Variants in ZDHHC17 observed in about 807,000 individuals in gnomAD.
ZDHHC17 encodes the protein palmitoyltransferase ZDHHC17.
In ZDHHC17, 40 loss-of-function variants were observed where a neutral mutation model predicts 90.3. That is an observed-to-expected ratio of 0.44 (90% CI 0.34 to 0.58). ZDHHC17 has a LOEUF of 0.58. Ranked by LOEUF, ZDHHC17 falls within the 20% of genes least tolerant of loss-of-function variation. The pLI is 0.01. For missense variants in ZDHHC17, 614 were observed against 780.8 expected, an observed-to-expected ratio of 0.79 and a Z score of 2.55; for synonymous variants, 235 against 252.4, an observed-to-expected ratio of 0.93 and a Z score of 0.65.
intron 1 of ZDHHC17, among the ~76,000 whole-genome samples, chr12:76,792,004 C>T (rs1952764906): frequency 6.6e-6 from 1 of 152,150 alleles, no homozygotes. Flanking sequence ...TTAATGTCTC[C>T]ACCAATCCAG....
At chr12:76,764,386 C>A in intron 1 of ZDHHC17, 57 bp downstream of exon 1, 1 of 1,495,372 alleles carries the variant, frequency 6.7e-7, no homozygotes, top group South Asian at 1.2e-5. Context: ...CTTTCTTCCC[C>A]GGACTCGCCG....
intron 2 of ZDHHC17, among the ~76,000 whole-genome samples, chr12:76,800,041 TATC>T (rs1454044919): frequency 3.3e-5 from 5 of 152,230 alleles, no homozygotes; most frequent in Admixed American, 2.0e-4. Flanking sequence ...CCATGTGTGG[TATC>T]ATGTGCTCAA....
At chr12:76,819,160 A>C (rs1953128586) in intron 7 of ZDHHC17, among the ~76,000 whole-genome samples, 2 of 152,158 alleles carry the variant, frequency 1.3e-5, no homozygotes, top group Admixed American at 6.5e-5. Flanking sequence ...ATATGTTGAG[A>C]TTGTGAAGAC....
chr12:76,790,108 T>C (rs1036726468), intron 1 of ZDHHC17, among the ~76,000 whole-genome samples: 2 of 152,216 alleles, frequency 1.3e-5, no homozygotes, highest in Non-Finnish European at 2.9e-5. Context: ...AACTACTCTC[T>C]TGACATTGTT....
At chr12:76,837,076 C>T (rs1953374117) in intron 10 of ZDHHC17, among the ~76,000 whole-genome samples, 1 of 152,074 alleles carries the variant, frequency 6.6e-6, no homozygotes, top group Non-Finnish European at 1.5e-5. Flanking sequence ...GTTTATTTAT[C>T]ATCTCTGGTC....
At chr12:76,849,541 CTTAG>C in intron 16 of ZDHHC17, 71 bp downstream of exon 16, 1 of 898,760 alleles carries the variant, frequency 1.1e-6, no homozygotes. Flanking sequence ...GACTCTTTTA[CTTAG>C]TGATATGTAA....
chr12:76,841,469 T>G (rs927924682), intron 10 of ZDHHC17, among the ~76,000 whole-genome samples: 1 of 152,128 alleles, frequency 6.6e-6, no homozygotes, highest in African/African-American at 2.4e-5. Context: ...ATTTCTTACG[T>G]TTTTATGAGA....
chr12:76,849,970 G>C (rs896053827), intron 16 of ZDHHC17, among the ~76,000 whole-genome samples: 7 of 152,072 alleles, frequency 4.6e-5, no homozygotes, highest in Non-Finnish European at 8.8e-5. Flanking sequence ...ACCCAGGCTG[G>C]AGTGCAGTGG....
rs753513805 is a variant in ZDHHC17, at chr12:76,849,371, C to G, written c.1666-5C>G. Reference sequence around the variant, plus strand: ...AATAATGGTTTGCTTTTTCTTTCCTCTTAGATATCATGTTTAGGTATTACT... The same window carrying G: ...AATAATGGTTTGCTTTTTCTTTCCTGTTAGATATCATGTTTAGGTATTACT... On this transcript the variant is annotated splice_region_variant and splice_polypyrimidine_tract_variant and intron_variant, in intron 15 of 16. Coordinates refer to ENST00000426126, the MANE Select transcript of ZDHHC17 (RefSeq NM_015336.4). The G allele has an allele frequency of 2.5e-6, 3 of 1,220,788 alleles. No individual in the cohort carries two copies. The highest frequency in any genetic ancestry group is 1.6e-5 in the African/African-American group (1 of 63,566). The allele number at this position is 1,220,788 out of a possible 1,614,324, so 75.6% of individuals were successfully genotyped here.
chr12:76,818,643 G>A (rs938846509), intron 7 of ZDHHC17, among the ~76,000 whole-genome samples: 9 of 152,310 alleles, frequency 5.9e-5, no homozygotes, highest in South Asian at 2.1e-4. Context: ...TTTCCTTGTA[G>A]AGGAACATGC....
chr12:76,774,701 C>T (rs1426158839), intron 1 of ZDHHC17, among the ~76,000 whole-genome samples: 1 of 152,164 alleles, frequency 6.6e-6, no homozygotes, highest in African/African-American at 2.4e-5. Flanking sequence ...CTGGGTACCT[C>T]AGTTTTATTA....
chr12:76,775,214 T>A (rs1952545553), intron 1 of ZDHHC17, among the ~76,000 whole-genome samples: 1 of 152,244 alleles, frequency 6.6e-6, no homozygotes, highest in Non-Finnish European at 1.5e-5. Flanking sequence ...TGATTACTGA[T>A]TGTTTTCTGA....
intron 10 of ZDHHC17, among the ~76,000 whole-genome samples, chr12:76,831,195 G>A (rs1167855887): frequency 6.6e-6 from 1 of 152,140 alleles, no homozygotes; most frequent in Non-Finnish European, 1.5e-5. Flanking sequence ...ATAAACACCT[G>A]AGGACATACC....
intron 7 of ZDHHC17, chr12:76,820,959 T>C (rs922950775): frequency 6.9e-6 from 5 of 719,508 alleles, no homozygotes; most frequent in African/African-American, 1.8e-5. Flanking sequence ...AATTGAGTGT[T>C]TATTTTACCA....
chr12:76,822,668 C>A, intron 8 of ZDHHC17, 137 bp downstream of exon 8: 2 of 667,146 alleles, frequency 3.0e-6, no homozygotes, highest in Non-Finnish European at 2.5e-6. Flanking sequence ...GATTCTTGTG[C>A]CTCAGCCTCC....
intron 10 of ZDHHC17, among the ~76,000 whole-genome samples, chr12:76,831,332 G>C (rs1395103677): frequency 1.3e-5 from 2 of 151,786 alleles, no homozygotes; most frequent in Non-Finnish European, 2.9e-5. Context: ...GTCTGTTTTT[G>C]TGTTGGGTTT....
intron 1 of ZDHHC17, among the ~76,000 whole-genome samples, chr12:76,785,694 CTAAA>C (rs1029660033): frequency 6.6e-6 from 1 of 152,190 alleles, no homozygotes; most frequent in African/African-American, 2.4e-5. Flanking sequence ...ATTGTGATTT[CTAAA>C]GGTTTGCCTG....
chr12:76,791,255 A>G (rs1338753564), intron 1 of ZDHHC17, among the ~76,000 whole-genome samples: 3 of 152,120 alleles, frequency 2.0e-5, no homozygotes, highest in African/African-American at 7.2e-5. Context: ...CCATTTTGTT[A>G]TTCACTTGGT....
At chr12:76,805,523 A>C (rs918668252) in intron 3 of ZDHHC17, 84 bp downstream of exon 3, 2 of 1,147,902 alleles carry the variant, frequency 1.7e-6, no homozygotes, top group African/African-American at 3.1e-5. Flanking sequence ...ATAAAAACTA[A>C]TACTTTCTAA....
Sources: gnomAD v4.1 joint callset for allele counts (sites outside exome capture counted in the v4.1 genomes callset) on GRCh38, gnomAD v4.1.1 for gene constraint, MANE v1.5 for transcripts, NCBI Gene and HGNC (gene_info 2026-07-23, HGNC 2026-07-21) for gene names.